Variants in CDH6 observed in about 807,000 individuals in gnomAD.
CDH6 encodes the protein cadherin 6, also known as cadherin-6.
A neutral mutation model predicts 78.0 loss-of-function variants in CDH6; 31 were observed. That is an observed-to-expected ratio of 0.40 (90% CI 0.30 to 0.54). CDH6 has a LOEUF of 0.54. CDH6 is among the 20% of genes least tolerant of loss of function. The probability of loss-of-function intolerance (pLI) is 0.56; values close to 1 mark genes in which losing one functional copy is unlikely to be tolerated. For missense variants in CDH6, 724 were observed against 975.9 expected (o/e 0.74, Z 3.44); for synonymous variants, 376 against 368.8 (o/e 1.02, Z -0.23).
intron 2 of CDH6, among the ~76,000 whole-genome samples, chr5:31,293,000 T>C (rs1457498332): frequency 6.6e-6 from 1 of 151,908 alleles, no homozygotes; most frequent in Non-Finnish European, 1.5e-5. Flanking sequence ...ATCAACACTG[T>C]GGATATAATC....
intron 2 of CDH6, among the ~76,000 whole-genome samples, chr5:31,275,762 T>C (rs1742672640): frequency 6.6e-6 from 1 of 152,226 alleles, no homozygotes; most frequent in Admixed American, 6.5e-5. Context: ...TGACATACTG[T>C]AATCAAGCAT....
chr5:31,273,922 G>A (rs912778804), intron 2 of CDH6, among the ~76,000 whole-genome samples: 10 of 151,968 alleles, frequency 6.6e-5, no homozygotes, highest in Admixed American at 3.9e-4. Flanking sequence ...TTTTTTAAGC[G>A]TCTTTTTCTT....
chr5:31,202,636 CA>C (rs1352797660), intron 1 of CDH6, among the ~76,000 whole-genome samples: 5 of 136,126 alleles, frequency 3.7e-5, no homozygotes, highest in Non-Finnish European at 8.1e-5. Flanking sequence ...AACTTCACCT[CA>C]AAAAAATATA....
chr5:31,201,958 C>T (rs1226976784), intron 1 of CDH6, among the ~76,000 whole-genome samples: 1 of 152,170 alleles, frequency 6.6e-6, no homozygotes, highest in African/African-American at 2.4e-5. Context: ...TTGCCAAGCT[C>T]ATGGCCAGAA....
chr5:31,217,206 G>A (rs567826232), intron 1 of CDH6, among the ~76,000 whole-genome samples: 12 of 152,166 alleles, frequency 7.9e-5, no homozygotes, highest in South Asian at 2.1e-4. Context: ...ATTTAGATCC[G>A]TTTTAAGAAA....
rs1242864744 is a variant in CDH6, at chr5:31,326,941, G to C, written c.*3633G>C. On this transcript the variant is annotated 3_prime_UTR_variant, in exon 12 of 12. Coordinates refer to ENST00000265071, the MANE Select transcript of CDH6 (RefSeq NM_004932.4). ...CATCTCCTGACCTCGTGGTCCGCCCGCCTCGGCCTCCCAAAGTGCTGGGAT... is the reference window on the plus strand; with the variant it reads ...CATCTCCTGACCTCGTGGTCCGCCCCCCTCGGCCTCCCAAAGTGCTGGGAT... The C allele has an allele frequency of 6.2e-6, 1 of 161,610 alleles. No homozygotes were observed. The highest frequency in any genetic ancestry group is 1.4e-5 in the Non-Finnish European group (1 of 73,648). 10.0% of individuals were successfully genotyped at this position (161,610 alleles called of 1,614,324 possible).
At chr5:31,309,249 A>T (rs1738081440) in intron 7 of CDH6, among the ~76,000 whole-genome samples, 1 of 152,172 alleles carries the variant, frequency 6.6e-6, no homozygotes, top group African/African-American at 2.4e-5. Flanking sequence ...ATGGCCTGTG[A>T]TAATTGAATA....
chr5:31,270,951 C>T (rs1181243111), intron 2 of CDH6, among the ~76,000 whole-genome samples: 1 of 152,092 alleles, frequency 6.6e-6, no homozygotes, highest in Non-Finnish European at 1.5e-5. Flanking sequence ...TAGAATAGTT[C>T]GCTTGACATA....
intron 7 of CDH6, among the ~76,000 whole-genome samples, chr5:31,306,223 T>C (rs976288995): frequency 2.6e-5 from 4 of 152,190 alleles, no homozygotes; most frequent in Non-Finnish European, 5.9e-5. Flanking sequence ...TAGATGTAGA[T>C]AAAAACAAGA....
intron 1 of CDH6, among the ~76,000 whole-genome samples, chr5:31,252,558 A>G (rs763776271): frequency 9.2e-5 from 14 of 152,180 alleles, no homozygotes; most frequent in Non-Finnish European, 1.9e-4. Context: ...TGTTCAGGGA[A>G]ACTCGTGTGA....
At chr5:31,201,058 A>T (rs1394081953) in intron 1 of CDH6, among the ~76,000 whole-genome samples, 1 of 152,038 alleles carries the variant, frequency 6.6e-6, no homozygotes, top group Non-Finnish European at 1.5e-5. Context: ...CTTGATTTCT[A>T]GTTGTTGAAT....
intron 1 of CDH6, among the ~76,000 whole-genome samples, chr5:31,229,820 A>G (rs912525270): frequency 6.6e-6 from 1 of 152,222 alleles, no homozygotes; most frequent in Non-Finnish European, 1.5e-5. Context: ...ATTAAGGAGC[A>G]GCATAATTAC....
At chr5:31,307,634 C>T (rs1711956011) in intron 7 of CDH6, among the ~76,000 whole-genome samples, 1 of 152,204 alleles carries the variant, frequency 6.6e-6, no homozygotes, top group East Asian at 1.9e-4. Flanking sequence ...ATTTTCACAA[C>T]TACTCTCTCT....
At chr5:31,194,238 G>A (rs1453249630) in intron 1 of CDH6, among the ~76,000 whole-genome samples, 1 of 152,248 alleles carries the variant, frequency 6.6e-6, no homozygotes, top group Non-Finnish European at 1.5e-5. Flanking sequence ...GAGGCTGCCA[G>A]GGGAGCTCTG....
chr5:31,202,097 AT>A (rs1220134285), intron 1 of CDH6, among the ~76,000 whole-genome samples: 4 of 105,592 alleles, frequency 3.8e-5, no homozygotes, highest in Admixed American at 1.1e-4. Flanking sequence ...CATATAAATT[AT>A]AAAATCAGTG....
At chr5:31,296,988 G>A (rs915102520) in intron 3 of CDH6, among the ~76,000 whole-genome samples, 7 of 152,122 alleles carry the variant, frequency 4.6e-5, no homozygotes, top group African/African-American at 1.4e-4. Flanking sequence ...TGGATAACTC[G>A]AAAGAATCAC....
At chr5:31,280,411 T>A (rs1027900515) in intron 2 of CDH6, among the ~76,000 whole-genome samples, 6 of 152,208 alleles carry the variant, frequency 3.9e-5, no homozygotes, top group African/African-American at 1.4e-4. Flanking sequence ...CACTCTCTAG[T>A]TGAACATGAT....
chr5:31,270,262 G>C (rs1742485431), intron 2 of CDH6, among the ~76,000 whole-genome samples: 1 of 152,096 alleles, frequency 6.6e-6, no homozygotes, highest in African/African-American at 2.4e-5. Flanking sequence ...GGTTCACAGA[G>C]CCCTTAGGCT....
intron 1 of CDH6, among the ~76,000 whole-genome samples, chr5:31,213,421 G>A (rs1395947565): frequency 6.6e-6 from 1 of 152,042 alleles, no homozygotes; most frequent in Non-Finnish European, 1.5e-5. Context: ...CAAGAAAACA[G>A]GGGTGCTCCT....
Sources: allele counts gnomAD v4.1 joint callset (sites outside exome capture counted in the v4.1 genomes callset), GRCh38; gene constraint gnomAD v4.1.1; transcripts MANE v1.5; gene names NCBI Gene and HGNC (gene_info 2026-07-23, HGNC 2026-07-21).